DSCAM: variants seen among roughly 807,000 people sequenced by gnomAD.
The protein encoded by DSCAM is cell adhesion molecule DSCAM.
Under a neutral mutation model 217.7 loss-of-function variants are expected in DSCAM, and 47 were observed. That is an observed-to-expected ratio of 0.22 (90% confidence interval 0.17 to 0.28). The LOEUF (loss-of-function observed/expected upper bound fraction) is 0.28. DSCAM is among the 10% of genes least tolerant of loss of function. The pLI is 1.00. For missense variants in DSCAM, 2,080 were observed against 2,618.3 expected (o/e 0.79, Z 4.49); for synonymous variants, 1,056 against 1,015.3 (o/e 1.04, Z -0.76).
intron 3 of DSCAM, among the ~76,000 whole-genome samples, chr21:40,676,800 A>AT (rs1017522110): frequency 9.5e-4 from 145 of 152,146 alleles, no homozygotes; most frequent in African/African-American, 3.4e-3. Flanking sequence ...GGCAATACAG[A>AT]TTTTTTTTAA....
chr21:40,425,597 G>A (rs1414468328), intron 3 of DSCAM, among the ~76,000 whole-genome samples: 1 of 140,270 alleles, frequency 7.1e-6, no homozygotes, highest in Non-Finnish European at 1.5e-5. Flanking sequence ...TGTAATCCCA[G>A]TTGTTCAGGA....
At chr21:40,819,310 C>T (rs1402816427) in intron 1 of DSCAM, among the ~76,000 whole-genome samples, 1 of 152,246 alleles carries the variant, frequency 6.6e-6, no homozygotes, top group African/African-American at 2.4e-5. Flanking sequence ...AACCACAGCA[C>T]TGTGCTGGGC....
At chr21:40,383,965 T>C (rs990380270) in intron 3 of DSCAM, 1 of 152,220 alleles carries the variant, frequency 6.6e-6, no homozygotes, top group Non-Finnish European at 1.5e-5. Context: ...GGTTATACAG[T>C]GTTTCTTAGA....
rs549579818 is a variant in DSCAM at position 40,413,622 on chromosome 21, C to T, written c.509-44377G>A. 7.2e-5 allele frequency among the ~76,000 whole-genome samples: 11 copies of T among 152,244 alleles called. 1 individual carries two copies. The highest frequency in any genetic ancestry group is 2.4e-4 in the African/African-American group (10 of 41,558). ...ATTGACAAACTAATTATAAAGTCTG[C>T]AAGGAAATTCCAAAGATACAGGATG... On this transcript the variant is annotated intron_variant, in intron 3 of 32. Coordinates refer to ENST00000400454, the MANE Select transcript of DSCAM (RefSeq NM_001389.5).
At chr21:40,549,864 C>G (rs1571728) in intron 3 of DSCAM, among the ~76,000 whole-genome samples, 10,631 of 152,250 alleles carry the variant, frequency 0.07, 417 homozygotes, top group East Asian at 0.11. Flanking sequence ...CTACCAGTAT[C>G]TAAGCTGAGA....
At chr21:40,550,866 C>A (rs2076624396) in intron 3 of DSCAM, among the ~76,000 whole-genome samples, 1 of 152,120 alleles carries the variant, frequency 6.6e-6, no homozygotes, top group Non-Finnish European at 1.5e-5. Context: ...AACAGCAGGG[C>A]TGCTTACAGG....
intron 20 of DSCAM, among the ~76,000 whole-genome samples, chr21:40,106,562 T>C (rs949089975): frequency 2.0e-5 from 3 of 152,204 alleles, no homozygotes; most frequent in African/African-American, 7.2e-5. Context: ...CTCTTCTTTG[T>C]ATATCTTGTA....
chr21:40,821,099 T>C (rs960412664), intron 1 of DSCAM, among the ~76,000 whole-genome samples: 11 of 144,982 alleles, frequency 7.6e-5, no homozygotes, highest in African/African-American at 2.6e-4. Context: ...TAGAGAGATA[T>C]ATATATCTTC....
intron 4 of DSCAM, among the ~76,000 whole-genome samples, chr21:40,354,848 CAAAAAAAAAAAAAAA>C (rs11314417): frequency 8.9e-6 from 1 of 112,388 alleles, no homozygotes; most frequent in Non-Finnish European, 1.8e-5. Flanking sequence ...AACTCTGTCT[CAAAAAAAAAAAAAAA>C]AAAAAAAAAA....
intron 20 of DSCAM, among the ~76,000 whole-genome samples, chr21:40,100,964 A>G (rs2089742284): frequency 6.6e-6 from 1 of 152,184 alleles, no homozygotes. Flanking sequence ...CATTTGTTTG[A>G]AGAGAAGACA....
At chr21:40,092,887 G>A (rs1186759300) in intron 21 of DSCAM, among the ~76,000 whole-genome samples, 1 of 151,852 alleles carries the variant, frequency 6.6e-6, no homozygotes, top group African/African-American at 2.4e-5. Flanking sequence ...TCCCCTCACT[G>A]CTTTATTCTG....
chr21:40,070,322 A>G (rs1211869769), intron 27 of DSCAM, among the ~76,000 whole-genome samples: 1 of 140,572 alleles, frequency 7.1e-6, no homozygotes, highest in African/African-American at 2.6e-5. Flanking sequence ...GAAGGATAGA[A>G]GGAAAGAAGG....
intron 3 of DSCAM, among the ~76,000 whole-genome samples, chr21:40,423,383 C>T (rs1291138016): frequency 2.6e-5 from 4 of 152,158 alleles, no homozygotes; most frequent in African/African-American, 9.7e-5. Context: ...TGTATGTAAA[C>T]GGTGTTACAA....
intron 3 of DSCAM, among the ~76,000 whole-genome samples, chr21:40,376,399 T>G (rs7410084): frequency 0.52 from 72,845 of 141,350 alleles, 19,246 homozygotes; most frequent in South Asian, 0.67. Context: ...AAGATATATA[T>G]ATATCTATAT....
At chr21:40,394,859 A>G (rs2075164513) in intron 3 of DSCAM, among the ~76,000 whole-genome samples, 1 of 152,202 alleles carries the variant, frequency 6.6e-6, no homozygotes, top group Non-Finnish European at 1.5e-5. Context: ...ACTAAGAGAG[A>G]TTAGGATAGA....
At chr21:40,374,747 C>T (rs2074932931) in intron 3 of DSCAM, among the ~76,000 whole-genome samples, 1 of 152,182 alleles carries the variant, frequency 6.6e-6, no homozygotes, top group Admixed American at 6.5e-5. Flanking sequence ...AGGGTGGGAC[C>T]AGACCTCACT....
intron 10 of DSCAM, among the ~76,000 whole-genome samples, chr21:40,284,946 G>A (rs115651838): frequency 1.3e-5 from 2 of 152,140 alleles, no homozygotes; most frequent in Admixed American, 6.5e-5. Flanking sequence ...AAATTTCATG[G>A]TCTAGATTAG....
chr21:40,533,210 C>G (rs2076463247), intron 3 of DSCAM, among the ~76,000 whole-genome samples: 1 of 152,180 alleles, frequency 6.6e-6, no homozygotes, highest in Non-Finnish European at 1.5e-5. Flanking sequence ...ATAATCAAAA[C>G]TATCCTTACC....
intron 3 of DSCAM, among the ~76,000 whole-genome samples, chr21:40,591,433 A>G (rs1419273568): frequency 6.6e-6 from 1 of 152,242 alleles, no homozygotes; most frequent in East Asian, 1.9e-4. Flanking sequence ...GTTGTTATAT[A>G]AAGCCATTTG....
Sources: gnomAD v4.1 joint callset for allele counts (sites outside exome capture counted in the v4.1 genomes callset) on GRCh38, gnomAD v4.1.1 for gene constraint, MANE v1.5 for transcripts, NCBI Gene and HGNC (gene_info 2026-07-23, HGNC 2026-07-21) for gene names.